The following ADPRHL1 variants were observed in gnomAD, a reference collection of about 807,000 sequenced individuals.
The protein encoded by ADPRHL1 is inactive ADP-ribosyltransferase ARH2.
Under a neutral mutation model 44.1 loss-of-function variants are expected in ADPRHL1, and 43 were observed. The ratio of observed to expected loss-of-function variants is 0.98; its 90% confidence interval spans 0.76 to 1.26. The LOEUF (loss-of-function observed/expected upper bound fraction) is 1.26. Ranked by LOEUF, ADPRHL1 falls within the 50% of genes most tolerant of loss-of-function variation. The pLI is 0.00. For missense variants in ADPRHL1, 2,022 were observed against 2,496.9 expected (o/e 0.81, Z 4.05); for synonymous variants, 878 against 1,017.4 (o/e 0.86, Z 2.61).
At chr13:113,425,572 A>G (rs2043962410) in intron 4 of ADPRHL1, among the ~76,000 whole-genome samples, 1 of 151,810 alleles carries the variant, frequency 6.6e-6, no homozygotes, top group South Asian at 2.1e-4. Flanking sequence ...AGGTTTCACC[A>G]TGTTAGTCAG....
chr13:113,429,086 A>T lies in ADPRHL1; in HGVS notation c.512T>A (p.Leu171Gln). ...RMTHNHPTGFLGSLCTALFVS... is the reference protein window; with the variant it reads ...RMTHNHPTGFQGSLCTALFVS... ...AAACAGGGCCGTGCACAGGGAGCCC[A>T]GGAAGCCTGGAGGGCAGGGAAGAGA... is the stretch of plus-strand genomic sequence containing the variant. The change falls in exon 4 of 8, where the codon CTG (leucine) becomes CAG (glutamine). Residue 171 changes from leucine to glutamine, a missense_variant. Transcript: ENST00000612156. 10 of 1,607,618 alleles carry T rather than the reference A, an allele frequency of 6.2e-6. No individual in the cohort carries two copies. The highest frequency in any genetic ancestry group is 8.5e-6 in the Non-Finnish European group (10 of 1,177,980).
intron 1 of ADPRHL1, among the ~76,000 whole-genome samples, chr13:113,451,061 G>T (rs904282819): frequency 4.6e-5 from 7 of 152,100 alleles, no homozygotes; most frequent in South Asian, 2.1e-4. Flanking sequence ...AGACGCTGGC[G>T]TCACAGCTAG....
At chr13:113,418,119 G>A (rs777895459) in intron 7 of ADPRHL1, among the ~76,000 whole-genome samples, 11 of 152,174 alleles carry the variant, frequency 7.2e-5, no homozygotes, top group Non-Finnish European at 1.0e-4. Context: ...GTTTTCGGAT[G>A]CGTCGGGTTT....
Position 113,446,984 on chromosome 13 carries a change from C to T in ADPRHL1, c.215-2395G>A, listed in dbSNP as rs572225526. Among the ~76,000 whole-genome samples the T allele has an allele frequency of 4.1e-3, 528 of 128,214 alleles. 1 individual carries two copies. Among genetic ancestry groups the T allele is most frequent in the African/African-American group, 0.016 (510 of 32,546 alleles). The allele number at this position is 128,214 out of a possible 152,430, so 84.1% of individuals were successfully genotyped here. On this transcript the variant is annotated intron_variant, in intron 1 of 7. Coordinates refer to ENST00000612156, the MANE Select transcript of ADPRHL1 (RefSeq NM_001394807.1). ...TGTGTGTGCATGGTGTCTACATGCACGGTGTTGTGTGTGCATGGTGTCTAC... is the reference window on the plus strand; with the variant it reads ...TGTGTGTGCATGGTGTCTACATGCATGGTGTTGTGTGTGCATGGTGTCTAC...
chr13:113,444,928 G>A (rs1373130726), intron 1 of ADPRHL1, among the ~76,000 whole-genome samples: 2 of 152,082 alleles, frequency 1.3e-5, no homozygotes, highest in African/African-American at 2.4e-5. Flanking sequence ...CAGCCCCACC[G>A]TGCCCCTTTT....
chr13:113,404,758 G>T lies in ADPRHL1; in HGVS notation c.4524C>A (p.Ala1508=). The T allele has an allele frequency of 7.9e-7, 1 of 1,273,282 alleles. No homozygotes were observed. The highest frequency in any genetic ancestry group is 3.0e-5 in the South Asian group (1 of 32,876). The allele number at this position is 1,273,282 out of a possible 1,614,324, so 78.9% of individuals were successfully genotyped here. A position where few individuals can be genotyped will look rare whatever the true frequency, so the allele number is the denominator to read the frequency against. Residue 1508 remains alanine (A), a synonymous_variant, in exon 8 of 8, where the codon GCC becomes GCA. Transcript: ENST00000612156. ...GQVQGHAQEQ[A]QWQTQIEAQG... ...GGGCCTCTATCTGGGTCTGCCACTGGGCCTGTTCTTGAGCGTGTCCCTGAA... is the reference window on the plus strand; with the variant it reads ...GGGCCTCTATCTGGGTCTGCCACTGTGCCTGTTCTTGAGCGTGTCCCTGAA...
At chr13:113,420,449 G>A (rs1216625409) in intron 7 of ADPRHL1, among the ~76,000 whole-genome samples, 1 of 152,126 alleles carries the variant, frequency 6.6e-6, no homozygotes, top group East Asian at 1.9e-4. Context: ...ACAGCAGGGT[G>A]GAGAGGGAAG....
intron 3 of ADPRHL1, among the ~76,000 whole-genome samples, chr13:113,431,578 A>G (rs9549791): frequency 0.88 from 134,696 of 152,300 alleles, 59,996 homozygotes; most frequent in Non-Finnish European, 0.94. Context: ...TGTGGCTCTT[A>G]CTGCCAGAGG....
At chr13:113,436,353 G>T (rs1295380470) in intron 2 of ADPRHL1, among the ~76,000 whole-genome samples, 3 of 122,864 alleles carry the variant, frequency 2.4e-5, no homozygotes, top group East Asian at 2.5e-4. Flanking sequence ...GTGTACCCCG[G>T]GACCCAGCAC....
intron 5 of ADPRHL1, 54 bp from the exon 6 acceptor site, chr13:113,424,403 T>TATATTACAGCACAAGCTTTCTGGGC: frequency 1.2e-6 from 2 of 1,606,716 alleles, no homozygotes; most frequent in African/African-American, 2.7e-5. Flanking sequence ...CACTTCTGGG[T>TATATTACAGCACAAGCTTTCTGGGC]ATATTACAGC....
intron 7 of ADPRHL1, among the ~76,000 whole-genome samples, chr13:113,417,867 A>C (rs2043894834): frequency 6.6e-6 from 1 of 152,170 alleles, no homozygotes; most frequent in Non-Finnish European, 1.5e-5. Context: ...ACCTAATGGG[A>C]CCTTTGGAAT....
At chr13:113,430,508 C>T (rs771665500) in intron 3 of ADPRHL1, among the ~76,000 whole-genome samples, 18 of 152,156 alleles carry the variant, frequency 1.2e-4, no homozygotes, top group Non-Finnish European at 2.5e-4. Context: ...GTACCAGTAG[C>T]AGCAGCAACA....
In ADPRHL1 at chr13:113,452,126, C is replaced by G. The variant is rs142384271; in HGVS notation, c.214+1098G>C. 2.8e-3 allele frequency among the ~76,000 whole-genome samples: 427 copies of G among 152,302 alleles called. 2 individuals carry two copies. The highest frequency in any genetic ancestry group is 9.6e-3 in the African/African-American group (399 of 41,560). Reference sequence around the variant, plus strand: ...AGCCGGAGCTGTGTCCCACAGGTGTCTGTGTGTGGGGTGCACCTGTTCTGG... The same window carrying G: ...AGCCGGAGCTGTGTCCCACAGGTGTGTGTGTGTGGGGTGCACCTGTTCTGG... On this transcript the variant is annotated intron_variant, in intron 1 of 7. Coordinates refer to ENST00000612156, the MANE Select transcript of ADPRHL1 (RefSeq NM_001394807.1).
rs930633923 is a variant in ADPRHL1, at chr13:113,407,406, C to G, written c.1876G>C (p.Val626Leu). ...EPLPALSIATVVCGPRSWLSH... is the reference protein window; with the variant it reads ...EPLPALSIATLVCGPRSWLSH... The stretch of plus-strand genomic sequence containing the variant: ...AGCCAGCTCCTGGGGCCACAGACGA[C>G]GGTGGCGATGCTGAGGGCCGGCAGG... The change falls in exon 8 of 8, where the codon GTC becomes CTC. Residue 626 changes from valine (V) to leucine (L), a missense_variant. This residue lies in a region of ADPRHL1 where 1,221 missense variants were observed against 1,517.8 expected (regional missense o/e 0.80). Transcript: ENST00000612156. The G allele has an allele frequency of 3.2e-6, 4 of 1,231,796 alleles. No homozygotes were observed. The highest frequency in any genetic ancestry group is 1.6e-5 in the African/African-American group (1 of 64,420). 76.3% of individuals were successfully genotyped at this position (1,231,796 alleles called of 1,614,324 possible).
intron 6 of ADPRHL1, among the ~76,000 whole-genome samples, chr13:113,423,397 G>A (rs1020576386): frequency 2.0e-5 from 3 of 152,244 alleles, no homozygotes; most frequent in Admixed American, 6.5e-5. Flanking sequence ...AAGGAAGGCA[G>A]AGGGAGGGGA....
At chr13:113,428,149 C>A (rs1245215228) in intron 4 of ADPRHL1, among the ~76,000 whole-genome samples, 1 of 149,310 alleles carries the variant, frequency 6.7e-6, no homozygotes, top group Non-Finnish European at 1.5e-5. Context: ...GCGGCTGAGG[C>A]AGGAGAATTG....
chr13:113,424,188 G>A (rs748553751), intron 6 of ADPRHL1, 29 bp downstream of exon 6: 1 of 1,611,658 alleles, frequency 6.2e-7, no homozygotes, highest in Non-Finnish European at 8.5e-7. Flanking sequence ...TACCCTCCAG[G>A]AAGCCACGGC....
intron 7 of ADPRHL1, among the ~76,000 whole-genome samples, chr13:113,415,715 C>T (rs2139607485): frequency 7.3e-6 from 1 of 137,442 alleles, no homozygotes; most frequent in South Asian, 2.3e-4. Context: ...CGTGCCACTT[C>T]ACTCCAGCCT....
At chr13:113,420,937 G>C (rs2043913812) in intron 7 of ADPRHL1, among the ~76,000 whole-genome samples, 1 of 54,696 alleles carries the variant, frequency 1.8e-5, no homozygotes, top group Non-Finnish European at 3.9e-5. Context: ...CCCACCCCTG[G>C]GACAACCCTA....
Sources: gnomAD v4.1 joint callset for allele counts (sites outside exome capture counted in the v4.1 genomes callset) on GRCh38, gnomAD v4.1.1 for gene constraint, gnomAD v4.1.1 regional missense constraint, MANE v1.5 for transcripts, NCBI Gene and HGNC (gene_info 2026-07-23, HGNC 2026-07-21) for gene names.